Variants in EYS observed in about 807,000 individuals in gnomAD.
The protein encoded by EYS is EGF-like photoreceptor maintenance factor, also known as protein eyes shut homolog.
Under a neutral mutation model 282.1 loss-of-function variants are expected in EYS, and 250 were observed. That is an observed-to-expected ratio of 0.89 (90% CI 0.80 to 0.98). The LOEUF (loss-of-function observed/expected upper bound fraction) is 0.98. Among genes scored for constraint, EYS ranks in the 50% least tolerant of loss-of-function variants. The pLI is 0.00. For missense variants in EYS, 4,016 were observed against 3,709.0 expected, an observed-to-expected ratio of 1.08 and a Z score of -2.15; for synonymous variants, 1,355 against 1,282.9, an observed-to-expected ratio of 1.06 and a Z score of -1.20.
chr6:64,535,744 TA>T lies in EYS; in HGVS notation c.5644+54478del, dbSNP rs1025658003. Among the ~76,000 whole-genome samples, 79 of 145,400 alleles carry T rather than the reference TA, an allele frequency of 5.4e-4. 1 individual carries two copies. The South Asian group carries it at 7.3e-3, about 14-fold the overall frequency. On this transcript the variant is annotated intron_variant, in intron 26 of 42. Transcript: ENST00000503581. ...AACAGAGCCAGACCCTGTCTCAAAA[TA>T]AAAAAAAAAGAAAAAAATTCAATTA... is the stretch of plus-strand genomic sequence containing the variant.
intron 12 of EYS, among the ~76,000 whole-genome samples, chr6:65,112,885 G>A (rs1036072408): frequency 2.0e-5 from 3 of 152,024 alleles, no homozygotes; most frequent in African/African-American, 7.2e-5. Context: ...TACTGGTGCT[G>A]TATATTTTTA....
At chr6:65,621,458 A>C (rs930833183) in intron 2 of EYS, among the ~76,000 whole-genome samples, 1 of 150,058 alleles carries the variant, frequency 6.7e-6, no homozygotes, top group Non-Finnish European at 1.5e-5. Flanking sequence ...TCTGCACGTG[A>C]GATGGGTTTC....
rs780193024 is a variant in EYS, at chr6:65,295,880, C to A, written c.2006G>T (p.Cys669Phe). The change falls in exon 12 of 43, where the codon TGT becomes TTT. Residue 669 changes from cysteine to phenylalanine, a missense_variant. Transcript: ENST00000503581. ...THLRGYFFRK[C>F]VPGFKGTQCE... ...AAACTTGCCTTTAAATCCTGGGACA[C>A]ACTTGCGGAAGAAATATCCCCTTAA... 246 of 1,547,184 alleles carry A rather than the reference C, an allele frequency of 1.6e-4. No individual in the cohort carries two copies. The highest frequency in any genetic ancestry group is 2.0e-4 in the Non-Finnish European group (234 of 1,145,104).
At chr6:63,812,147 AG>A (rs1405377237) in intron 36 of EYS, among the ~76,000 whole-genome samples, 2 of 152,238 alleles carry the variant, frequency 1.3e-5, no homozygotes, top group African/African-American at 4.8e-5. Flanking sequence ...TCCTGAACAT[AG>A]CCTAAATCTC....
chr6:64,755,108 T>C (rs1281700087), intron 22 of EYS, among the ~76,000 whole-genome samples: 2 of 152,024 alleles, frequency 1.3e-5, no homozygotes, highest in Non-Finnish European at 2.9e-5. Context: ...GGATAAAAAA[T>C]CAACATACAA....
chr6:63,738,027 C>A (rs905047695), intron 41 of EYS, among the ~76,000 whole-genome samples: 20 of 152,158 alleles, frequency 1.3e-4, no homozygotes, highest in Admixed American at 1.2e-3. Flanking sequence ...CAAATCAAAA[C>A]CACAATGAGA....
chr6:64,937,264 G>GA lies in EYS; in HGVS notation c.2381+8528dup, dbSNP rs577544936. ...GACAACAATTTCTTAGCTATGATAT[G>GA]AAAAGCAAAAGTGGCAAAAGAAAAT... On this transcript the variant is annotated intron_variant, in intron 15 of 42. Coordinates refer to ENST00000503581, the MANE Select transcript of EYS (RefSeq NM_001142800.2). 1.6e-3 allele frequency among the ~76,000 whole-genome samples: 241 copies of GA among 151,522 alleles called. 1 individual carries two copies. Among genetic ancestry groups the GA allele is most frequent in the Admixed American group, 3.1e-3 (47 of 15,166 alleles).
chr6:65,285,546 T>A (rs1768339023), intron 12 of EYS, among the ~76,000 whole-genome samples: 2 of 152,042 alleles, frequency 1.3e-5, no homozygotes, highest in African/African-American at 2.4e-5. Context: ...AGAAAAGCCA[T>A]GCTATCTTCT....
rs889442856 is a variant in EYS at position 65,079,369 on chromosome 6, TA to T, written c.2024-21643del. ...TAAAAACTAATTCATTTGAGATATT[TA>T]AAAACTTTTAAATATGGTTGACAAC... On this transcript the variant is annotated intron_variant, in intron 12 of 42. Transcript: ENST00000503581. Among the ~76,000 whole-genome samples, 242 of 152,172 alleles carry T rather than the reference TA, an allele frequency of 1.6e-3. 1 individual carries two copies. The highest frequency in any genetic ancestry group is 5.6e-3 in the African/African-American group (232 of 41,556).
chr6:63,877,992 C>A (rs1581924518), intron 35 of EYS, among the ~76,000 whole-genome samples: 2 of 152,186 alleles, frequency 1.3e-5, no homozygotes, highest in South Asian at 4.1e-4. Flanking sequence ...AAATAATTCT[C>A]CATCCAGCTT....
At chr6:64,523,793 A>C (rs555833585) in intron 26 of EYS, among the ~76,000 whole-genome samples, 3 of 151,712 alleles carry the variant, frequency 2.0e-5, no homozygotes, top group Non-Finnish European at 3.0e-5. Context: ...AGATTCTTCT[A>C]CTTGATATTT....
At chr6:64,561,705 G>C (rs1417760437) in intron 26 of EYS, among the ~76,000 whole-genome samples, 1 of 151,886 alleles carries the variant, frequency 6.6e-6, no homozygotes, top group African/African-American at 2.4e-5. Flanking sequence ...AACCTCCCAT[G>C]CTCATGGATA....
intron 22 of EYS, among the ~76,000 whole-genome samples, chr6:64,758,138 G>A (rs16895771): frequency 6.6e-6 from 1 of 152,058 alleles, no homozygotes; most frequent in East Asian, 1.9e-4. Flanking sequence ...CGAGTTATTT[G>A]TTGAGTGTCA....
intron 12 of EYS, among the ~76,000 whole-genome samples, chr6:65,086,928 T>C (rs1774396170): frequency 6.6e-6 from 1 of 151,996 alleles, no homozygotes; most frequent in South Asian, 2.1e-4. Flanking sequence ...GTTCAAGTGA[T>C]TCTCCTGCCT....
At chr6:64,940,093 G>A (rs1769039223) in intron 15 of EYS, among the ~76,000 whole-genome samples, 1 of 151,816 alleles carries the variant, frequency 6.6e-6, no homozygotes, top group Admixed American at 6.6e-5. Context: ...ATAAAATTCT[G>A]CTCCCTTCTT....
chr6:64,116,582 A>T (rs1291335621), intron 31 of EYS, among the ~76,000 whole-genome samples: 1 of 152,176 alleles, frequency 6.6e-6, no homozygotes, highest in Non-Finnish European at 1.5e-5. Flanking sequence ...ATCAAAAGAC[A>T]TAGAGTAGAT....
chr6:65,370,164 TA>T (rs1438874824), intron 8 of EYS, among the ~76,000 whole-genome samples: 1 of 151,558 alleles, frequency 6.6e-6, no homozygotes, highest in African/African-American at 2.4e-5. Context: ...TTGAGTGTCA[TA>T]ACATACTTAG....
chr6:65,397,901 C>T (rs1301310638), intron 7 of EYS, among the ~76,000 whole-genome samples: 1 of 152,000 alleles, frequency 6.6e-6, no homozygotes. Context: ...CTTCTCTCTG[C>T]ATCCTTGCCA....
intron 26 of EYS, among the ~76,000 whole-genome samples, chr6:64,546,437 A>T (rs1200739879): frequency 6.6e-6 from 1 of 152,206 alleles, no homozygotes; most frequent in Non-Finnish European, 1.5e-5. Context: ...AACCTGGGCA[A>T]TACCATTCAG....
Sources: allele counts gnomAD v4.1 joint callset (sites outside exome capture counted in the v4.1 genomes callset), GRCh38; gene constraint gnomAD v4.1.1; transcripts MANE v1.5; gene names NCBI Gene and HGNC (gene_info 2026-07-23, HGNC 2026-07-21).